Variants in SEL1L3 observed in about 807,000 individuals in gnomAD.
The protein encoded by SEL1L3 is SEL1L family member 3, also known as protein sel-1 homolog 3.
In SEL1L3, 76 loss-of-function variants were observed where a neutral mutation model predicts 142.8. The observed-to-expected ratio is 0.53, with a 90% confidence interval of 0.44 to 0.64. The LOEUF (loss-of-function observed/expected upper bound fraction) is 0.64. Ranked by LOEUF, SEL1L3 falls within the 30% of genes least tolerant of loss-of-function variation. The probability of loss-of-function intolerance (pLI) is 0.00; values close to 1 mark genes in which losing one functional copy is unlikely to be tolerated. For missense variants in SEL1L3, 1,262 were observed against 1,381.7 expected (o/e 0.91, Z 1.37); for synonymous variants, 504 against 519.6 (o/e 0.97, Z 0.41).
chr4:25,780,036 A>G (rs1021013101), intron 15 of SEL1L3, among the ~76,000 whole-genome samples: 2 of 152,088 alleles, frequency 1.3e-5, no homozygotes, highest in Admixed American at 1.3e-4. Context: ...TAATCTTCCA[A>G]TTCTTCCCCT....
At chr4:25,848,098 T>A (rs1284869666) in intron 1 of SEL1L3, among the ~76,000 whole-genome samples, 1 of 152,174 alleles carries the variant, frequency 6.6e-6, no homozygotes, top group Non-Finnish European at 1.5e-5. Flanking sequence ...CACAGTAACA[T>A]CTGCTGATCA....
intron 6 of SEL1L3, among the ~76,000 whole-genome samples, chr4:25,826,789 G>A (rs1480049840): frequency 2.6e-5 from 4 of 151,956 alleles, no homozygotes; most frequent in African/African-American, 7.3e-5. Context: ...TCAGCCTCCC[G>A]AGTAGCTGGG....
intron 17 of SEL1L3, 35 bp downstream of exon 17, chr4:25,776,242 A>G (rs748911866): frequency 1.4e-6 from 2 of 1,443,458 alleles, no homozygotes; most frequent in Admixed American, 3.6e-5. Flanking sequence ...ACAGACAGGG[A>G]AAAAAGTTTG....
the SEL1L3 span, among the ~76,000 whole-genome samples, chr4:25,726,702 C>T: frequency 3.9e-5 from 6 of 151,984 alleles, no homozygotes; most frequent in Admixed American, 1.3e-4. Context: ...GTCCCAGATA[C>T]CCTTTGGGTG....
At chr4:25,811,765 TTG>T (rs1553873207) in intron 9 of SEL1L3, among the ~76,000 whole-genome samples, 3,083 of 143,936 alleles carry the variant, frequency 0.021, 73 homozygotes, top group East Asian at 0.089. Context: ...TTTTTTTTTT[TTG>T]TTGTTGTTGT....
chr4:25,828,155 G>A (rs1577666642), intron 6 of SEL1L3, among the ~76,000 whole-genome samples: 1 of 152,108 alleles, frequency 6.6e-6, no homozygotes, highest in South Asian at 2.1e-4. Flanking sequence ...TAAGCCACCC[G>A]CACCCTCTCT....
At chr4:25,727,458 C>T in the SEL1L3 span, among the ~76,000 whole-genome samples, 1,400 of 152,302 alleles carry the variant, frequency 9.2e-3, 26 homozygotes, top group African/African-American at 0.032. Context: ...TGTAGCCCAT[C>T]GCACTCTTGA....
At chr4:25,772,998 T>C (rs755727556) in intron 17 of SEL1L3, among the ~76,000 whole-genome samples, 31 of 152,154 alleles carry the variant, frequency 2.0e-4, no homozygotes, top group Non-Finnish European at 1.5e-4. Context: ...GGTTTCACCA[T>C]GTTGGTCAGG....
the SEL1L3 span, among the ~76,000 whole-genome samples, chr4:25,739,281 G>T: frequency 6.6e-6 from 1 of 152,124 alleles, no homozygotes; most frequent in Admixed American, 6.6e-5. Flanking sequence ...ACAACTGAGT[G>T]GGTGCTACTG....
chr4:25,780,265 G>C (rs188225370), intron 15 of SEL1L3, among the ~76,000 whole-genome samples: 8 of 152,030 alleles, frequency 5.3e-5, no homozygotes, highest in Admixed American at 2.6e-4. Flanking sequence ...CCCTGGTCTC[G>C]CCCACTGCCC....
intron 15 of SEL1L3, among the ~76,000 whole-genome samples, chr4:25,779,736 A>G (rs1330859244): frequency 6.6e-6 from 1 of 152,188 alleles, no homozygotes; most frequent in African/African-American, 2.4e-5. Flanking sequence ...AGAGGGAAAA[A>G]ATAAGACAAA....
intron 9 of SEL1L3, among the ~76,000 whole-genome samples, chr4:25,817,706 T>C (rs73115759): frequency 0.011 from 1,600 of 152,286 alleles, 25 homozygotes; most frequent in African/African-American, 0.036. Flanking sequence ...TGCTGCCACA[T>C]AGGAGAAAGG....
At chr4:25,736,839 T>C in the SEL1L3 span, among the ~76,000 whole-genome samples, 1 of 138,760 alleles carries the variant, frequency 7.2e-6, no homozygotes, top group East Asian at 2.4e-4. Context: ...GGCATATATA[T>C]ATATTCCATC....
At chr4:25,717,469 C>G in the SEL1L3 span, among the ~76,000 whole-genome samples, 3 of 152,136 alleles carry the variant, frequency 2.0e-5, no homozygotes, top group East Asian at 5.8e-4. Flanking sequence ...AGTTTGAGAC[C>G]AGCCTGGCCA....
chr4:25,804,808 C>T, intron 9 of SEL1L3, 56 bp from the exon 10 acceptor site: 1 of 1,343,728 alleles, frequency 7.4e-7, no homozygotes, highest in Non-Finnish European at 1.1e-6. Flanking sequence ...ATCGATGTGG[C>T]TTTAGAAAAA....
At chr4:25,728,189 G>A in the SEL1L3 span, among the ~76,000 whole-genome samples, 1 of 152,302 alleles carries the variant, frequency 6.6e-6, no homozygotes, top group East Asian at 1.9e-4. Context: ...GTTTCCGTAA[G>A]TGATGCTCAA....
At chr4:25,766,453 A>G (rs1009128253) in intron 19 of SEL1L3, among the ~76,000 whole-genome samples, 5 of 152,200 alleles carry the variant, frequency 3.3e-5, no homozygotes, top group Middle Eastern at 6.8e-3. Context: ...AAAAAAAAAA[A>G]AAAGGGTGTA....
At chr4:25,859,121 G>T (rs1717494689) in intron 1 of SEL1L3, among the ~76,000 whole-genome samples, 2 of 152,376 alleles carry the variant, frequency 1.3e-5, no homozygotes, top group Non-Finnish European at 2.9e-5. Context: ...GCTGGTTCTA[G>T]CCAAGTTGGA....
the SEL1L3 span, among the ~76,000 whole-genome samples, chr4:25,716,822 TA>T: frequency 3.1e-3 from 477 of 152,222 alleles, 3 homozygotes; most frequent in African/African-American, 0.011. Flanking sequence ...ACAATGGAAT[TA>T]GAAACACTAA....
Sources: gnomAD v4.1 joint callset for allele counts (sites outside exome capture counted in the v4.1 genomes callset) on GRCh38, gnomAD v4.1.1 for gene constraint, MANE v1.5 for transcripts, NCBI Gene and HGNC (gene_info 2026-07-23, HGNC 2026-07-21) for gene names.